STARD13: variants seen among roughly 807,000 people sequenced by gnomAD.
STARD13 encodes the protein StAR related lipid transfer domain containing 13, also known as stAR-related lipid transfer protein 13.
In STARD13, 62 loss-of-function variants were observed where a neutral mutation model predicts 106.4. That is an observed-to-expected ratio of 0.58 (90% CI 0.48 to 0.72). The LOEUF is 0.72. Ranked by LOEUF, STARD13 falls within the 30% of genes least tolerant of loss-of-function variation. The pLI, the probability that STARD13 is intolerant of heterozygous loss-of-function variation, is 0.00. For synonymous variants in STARD13, 565 were observed against 553.0 expected, an observed-to-expected ratio of 1.02 and a Z score of -0.31; for missense variants, 1,387 against 1,424.0, an observed-to-expected ratio of 0.97 and a Z score of 0.42.
intron 3 of STARD13, among the ~76,000 whole-genome samples, chr13:33,158,293 T>A (rs991323620): frequency 6.6e-6 from 1 of 152,174 alleles, no homozygotes; most frequent in African/African-American, 2.4e-5. Context: ...CTTAGTACAA[T>A]ACATATTTCC....
chr13:33,529,974 T>C, the STARD13 span, among the ~76,000 whole-genome samples: 1 of 152,136 alleles, frequency 6.6e-6, no homozygotes, highest in Non-Finnish European at 1.5e-5. Context: ...CCCTGTGAAA[T>C]TTTTTATTGA....
the STARD13 span, among the ~76,000 whole-genome samples, chr13:33,515,487 A>G: frequency 2.7e-3 from 405 of 152,292 alleles, 1 homozygote; most frequent in African/African-American, 9.1e-3. Flanking sequence ...CGAAACAAGG[A>G]AAGTGCAGAG....
chr13:33,586,327 G>C, the STARD13 span, among the ~76,000 whole-genome samples: 1 of 151,934 alleles, frequency 6.6e-6, no homozygotes, highest in African/African-American at 2.4e-5. Flanking sequence ...CAGGGTTATC[G>C]CCCTTTCCTG....
chr13:33,343,638 C>T (rs575099770), downstream of STARD13, among the ~76,000 whole-genome samples: 8 of 141,258 alleles, frequency 5.7e-5, no homozygotes, highest in East Asian at 1.7e-3. Context: ...TAGCTTCCAA[C>T]AACCAACCTG....
the STARD13 span, among the ~76,000 whole-genome samples, chr13:33,553,567 A>G: frequency 6.6e-6 from 1 of 150,544 alleles, no homozygotes; most frequent in Non-Finnish European, 1.5e-5. Flanking sequence ...ATAATTTACA[A>G]TTATAAAACT....
chr13:33,114,728 G>T (rs1479934963), intron 8 of STARD13, among the ~76,000 whole-genome samples: 2 of 151,886 alleles, frequency 1.3e-5, no homozygotes, highest in Non-Finnish European at 2.9e-5. Flanking sequence ...TTTTTTCCCA[G>T]CCATCATTTT....
rs141824622 is a variant in STARD13 at position 33,238,663 on chromosome 13, G to C, written c.169+46807C>G. On this transcript the variant is annotated intron_variant, in intron 1 of 13. Coordinates refer to ENST00000336934, the MANE Select transcript of STARD13 (RefSeq NM_178006.4). ...GTGAGAAAACCTGACTTGATGGTCA[G>C]TGCTGCCATTTAGTAGTTGTGGAAC... Among the ~76,000 whole-genome samples the C allele has an allele frequency of 3.2e-4, 48 of 152,230 alleles. No individual in the cohort carries two copies. The East Asian group carries it at 9.3e-3, about 29-fold the overall frequency.
chr13:33,449,770 A>AT, the STARD13 span, among the ~76,000 whole-genome samples: 1 of 151,976 alleles, frequency 6.6e-6, no homozygotes, highest in Non-Finnish European at 1.5e-5. Context: ...GTCTTCTTCA[A>AT]TTTTTTTGTA....
At chr13:33,151,904 G>T (rs1476777228) in intron 3 of STARD13, among the ~76,000 whole-genome samples, 1 of 152,206 alleles carries the variant, frequency 6.6e-6, no homozygotes, top group African/African-American at 2.4e-5. Flanking sequence ...TGTGGAAGCT[G>T]CAGAGAGGCA....
At chr13:33,629,231 A>G in the STARD13 span, among the ~76,000 whole-genome samples, 36 of 152,340 alleles carry the variant, frequency 2.4e-4, no homozygotes, top group African/African-American at 8.4e-4. Flanking sequence ...ACTTTTAACT[A>G]TACTTCATTG....
the STARD13 span, among the ~76,000 whole-genome samples, chr13:33,375,117 A>C: frequency 6.6e-6 from 1 of 152,196 alleles, no homozygotes; most frequent in African/African-American, 2.4e-5. Flanking sequence ...TCCCTTAGGA[A>C]GATTGATCCA....
At chr13:33,132,197 G>T (rs1316586795) in intron 4 of STARD13, among the ~76,000 whole-genome samples, 1 of 152,222 alleles carries the variant, frequency 6.6e-6, no homozygotes, top group African/African-American at 2.4e-5. Context: ...TGGCTTAGAA[G>T]TCAGGTGCGG....
intron 12 of STARD13, among the ~76,000 whole-genome samples, chr13:33,107,227 C>T (rs936493222): frequency 6.6e-6 from 1 of 152,168 alleles, no homozygotes; most frequent in South Asian, 2.1e-4. Context: ...TGCCCATTCT[C>T]GAAGAGGTGG....
chr13:33,155,646 A>AT (rs1271423676), intron 3 of STARD13: 1 of 152,184 alleles, frequency 6.6e-6, no homozygotes, highest in Admixed American at 6.5e-5. Context: ...GGCCATTAAA[A>AT]ATATATATAA....
intron 1 of STARD13, among the ~76,000 whole-genome samples, chr13:33,254,648 G>A (rs147048895): frequency 6.6e-6 from 1 of 152,288 alleles, no homozygotes; most frequent in Non-Finnish European, 1.5e-5. Context: ...CCAGGCTCCA[G>A]AAGCAGACCT....
intron 1 of STARD13, among the ~76,000 whole-genome samples, chr13:33,227,401 A>G (rs137988545): frequency 6.6e-6 from 1 of 152,346 alleles, no homozygotes; most frequent in East Asian, 1.9e-4. Flanking sequence ...CCTTGAAAAT[A>G]CTTTGTAAGT....
chr13:33,485,195 A>G, the STARD13 span, among the ~76,000 whole-genome samples: 1 of 152,216 alleles, frequency 6.6e-6, no homozygotes, highest in Non-Finnish European at 1.5e-5. Context: ...AATGAAGTGA[A>G]TGTCAAAAAT....
At chr13:33,359,283 G>A in the STARD13 span, among the ~76,000 whole-genome samples, 5 of 152,034 alleles carry the variant, frequency 3.3e-5, no homozygotes, top group South Asian at 8.4e-4. Context: ...CGAGCCCACC[G>A]GGAGAAACGA....
chr13:33,430,649 G>T, the STARD13 span, among the ~76,000 whole-genome samples: 3 of 152,260 alleles, frequency 2.0e-5, no homozygotes, highest in South Asian at 6.2e-4. Flanking sequence ...CACTATTCAC[G>T]TAGCCAAAAT....
Sources: gnomAD v4.1 joint callset for allele counts (sites outside exome capture counted in the v4.1 genomes callset) on GRCh38, gnomAD v4.1.1 for gene constraint, MANE v1.5 for transcripts, NCBI Gene and HGNC (gene_info 2026-07-23, HGNC 2026-07-21) for gene names.